The following TTC27 variants were observed in gnomAD, a reference collection of about 807,000 sequenced individuals.
The protein encoded by TTC27 is tetratricopeptide repeat domain 27.
In TTC27, 79 loss-of-function variants were observed where a neutral mutation model predicts 115.9. That is an observed-to-expected ratio of 0.68 (90% confidence interval 0.57 to 0.82). The LOEUF (loss-of-function observed/expected upper bound fraction) is 0.82. TTC27 is among the 40% of genes least tolerant of loss of function. The pLI is 0.00. For missense variants in TTC27, 1,054 were observed against 993.1 expected, an observed-to-expected ratio of 1.06 and a Z score of -0.82; for synonymous variants, 401 against 356.0, an observed-to-expected ratio of 1.13 and a Z score of -1.42.
chr2:32,738,418 C>T (rs1418542358), intron 12 of TTC27, among the ~76,000 whole-genome samples: 2 of 152,144 alleles, frequency 1.3e-5, no homozygotes, highest in Non-Finnish European at 2.9e-5. Flanking sequence ...TGCTGTGATT[C>T]TACGAGATGT....
At chr2:32,664,996 C>T (rs1051680831) in intron 6 of TTC27, among the ~76,000 whole-genome samples, 3 of 151,820 alleles carry the variant, frequency 2.0e-5, no homozygotes, top group African/African-American at 4.8e-5. Flanking sequence ...CCACGCCTGG[C>T]TAATTTTTTT....
chr2:32,644,745 T>C (rs890126780), intron 4 of TTC27, among the ~76,000 whole-genome samples: 2 of 151,962 alleles, frequency 1.3e-5, no homozygotes, highest in African/African-American at 2.4e-5. Flanking sequence ...GCCATTCAAC[T>C]GAAGCATTAT....
At chr2:32,648,672 A>G (rs1369538536) in intron 4 of TTC27, among the ~76,000 whole-genome samples, 1 of 152,066 alleles carries the variant, frequency 6.6e-6, no homozygotes, top group Admixed American at 6.6e-5. Context: ...TAAAAGAAAA[A>G]GCTACTATAT....
intron 10 of TTC27, among the ~76,000 whole-genome samples, chr2:32,733,095 TC>T (rs1668346835): frequency 6.6e-6 from 1 of 152,236 alleles, no homozygotes; most frequent in South Asian, 2.1e-4. Context: ...CATGAGCTCT[TC>T]TATGACGAAT....
intron 16 of TTC27, among the ~76,000 whole-genome samples, chr2:32,808,909 A>G (rs953172982): frequency 1.3e-5 from 2 of 152,240 alleles, no homozygotes; most frequent in Non-Finnish European, 2.9e-5. Context: ...AACAAGCAGT[A>G]CACATTCAGA....
intron 9 of TTC27, among the ~76,000 whole-genome samples, chr2:32,683,965 C>T (rs1272427306): frequency 1.3e-5 from 2 of 151,896 alleles, no homozygotes; most frequent in African/African-American, 2.4e-5. Context: ...ACCCGCCTGG[C>T]CAACATGGTG....
At chr2:32,657,353 C>CTTTT (rs988569906) in intron 5 of TTC27, among the ~76,000 whole-genome samples, 5 of 128,320 alleles carry the variant, frequency 3.9e-5, no homozygotes, top group African/African-American at 5.8e-5. Context: ...CACTGTCTTT[C>CTTTT]TTTTTTTTTT....
intron 8 of TTC27, among the ~76,000 whole-genome samples, chr2:32,675,012 A>T (rs114508625): frequency 0.018 from 2,680 of 152,334 alleles, 44 homozygotes; most frequent in Middle Eastern, 0.041. Context: ...TGTTCAATCC[A>T]TAACAACATT....
intron 16 of TTC27, among the ~76,000 whole-genome samples, chr2:32,806,655 G>A (rs530264668): frequency 1.0e-3 from 157 of 152,102 alleles, no homozygotes; most frequent in African/African-American, 3.6e-3. Flanking sequence ...GGTGGCACGC[G>A]CCTGTAGTCC....
At chr2:32,757,672 C>T (rs991035175) in intron 12 of TTC27, among the ~76,000 whole-genome samples, 7 of 152,096 alleles carry the variant, frequency 4.6e-5, no homozygotes, top group African/African-American at 4.8e-5. Context: ...TAATAGACTA[C>T]AGTATAGTGT....
In TTC27 at chr2:32,736,748, A is replaced by T. The variant is rs1056948143; in HGVS notation, c.1384A>T (p.Ile462Leu). Residue 462 changes from isoleucine to leucine, a missense_variant, in exon 12 of 20, where the codon ATA (isoleucine) becomes TTA (leucine). Physicochemically the swap from Ile to Leu is conservative, Grantham distance 5. Transcript: ENST00000317907. ...GGGATGTACCAGTTCAGCCCTTCAG[A>T]TATTTGAAAAGCTAGAAATGTGGGA... is the stretch of plus-strand genomic sequence containing the variant. ...ELGCTSSALQIFEKLEMWEDV... is the reference protein window; with the variant it reads ...ELGCTSSALQLFEKLEMWEDV... 1 of 1,614,062 alleles carries T rather than the reference A, an allele frequency of 6.2e-7. No homozygotes were observed.
Position 32,758,342 on chromosome 2 carries a change from A to C in TTC27, c.1503A>C (p.Leu501Phe), listed in dbSNP as rs1159926748. 19 of 1,614,122 alleles carry C rather than the reference A, an allele frequency of 1.2e-5. No individual in the cohort carries two copies. Among genetic ancestry groups the C allele is most frequent in the Non-Finnish European group, 1.4e-5 (17 of 1,180,048 alleles). ...TGGAGAAAAAAGAAACGCCTAGTTT[A>C]TACTGCTTGCTTGGAGATGTCCTCG... ...QELEKKETPSLYCLLGDVLGD... is the reference protein window; with the variant it reads ...QELEKKETPSFYCLLGDVLGD... Residue 501 changes from leucine to phenylalanine, a missense_variant, in exon 13 of 20, where the codon TTA (leucine) becomes TTC (phenylalanine). Leu to Phe is a conservative substitution (Grantham distance 22, BLOSUM62 0). Coordinates refer to ENST00000317907, the MANE Select transcript of TTC27 (RefSeq NM_017735.5).
chr2:32,744,205 G>T (rs1169397328), intron 12 of TTC27, among the ~76,000 whole-genome samples: 1 of 152,140 alleles, frequency 6.6e-6, no homozygotes, highest in Admixed American at 6.5e-5. Context: ...CTGCTGTCCT[G>T]CTCTAAAGCA....
intron 18 of TTC27, among the ~76,000 whole-genome samples, chr2:32,814,571 A>T (rs1671434904): frequency 6.6e-6 from 1 of 152,226 alleles, no homozygotes; most frequent in Admixed American, 6.5e-5. Context: ...TATAAAAAGG[A>T]AATACAATCA....
At chr2:32,737,643 T>C (rs1668490449) in intron 12 of TTC27, among the ~76,000 whole-genome samples, 1 of 152,168 alleles carries the variant, frequency 6.6e-6, no homozygotes. Context: ...AATCAGTTAA[T>C]GGCAGTGAAG....
At chr2:32,778,352 A>G (rs35673065) in intron 14 of TTC27, among the ~76,000 whole-genome samples, 8,763 of 152,208 alleles carry the variant, frequency 0.058, 660 homozygotes, top group African/African-American at 0.17. Flanking sequence ...TTCACATACC[A>G]TATAATTCAC....
chr2:32,739,986 G>A (rs574201992), intron 12 of TTC27, among the ~76,000 whole-genome samples: 3 of 152,302 alleles, frequency 2.0e-5, no homozygotes, highest in South Asian at 2.1e-4. Context: ...TCCCGGTGTT[G>A]TAGGGTCTCA....
chr2:32,697,164 C>T (rs374110037), intron 9 of TTC27, among the ~76,000 whole-genome samples: 64 of 149,012 alleles, frequency 4.3e-4, no homozygotes, highest in African/African-American at 1.4e-3. Context: ...TGCACTCTAG[C>T]TTGGGCAATA....
intron 16 of TTC27, among the ~76,000 whole-genome samples, chr2:32,809,192 C>T (rs977661638): frequency 2.6e-5 from 4 of 152,182 alleles, no homozygotes; most frequent in African/African-American, 9.7e-5. Context: ...ATCTCATGCA[C>T]GGATCAGAAT....
Sources: gnomAD v4.1 joint callset for allele counts (sites outside exome capture counted in the v4.1 genomes callset) on GRCh38, gnomAD v4.1.1 for gene constraint, MANE v1.5 for transcripts, NCBI Gene and HGNC (gene_info 2026-07-23, HGNC 2026-07-21) for gene names.